Variants in CDK15 observed in about 807,000 individuals in gnomAD.
CDK15 encodes the protein cyclin dependent kinase 15, also known as cyclin-dependent kinase 15.
Under a neutral mutation model 60.3 loss-of-function variants are expected in CDK15, and 62 were observed. The ratio of observed to expected loss-of-function variants is 1.03; its 90% CI spans 0.84 to 1.27. The LOEUF (loss-of-function observed/expected upper bound fraction) is 1.27. Ranked by LOEUF, CDK15 falls within the 50% of genes most tolerant of loss-of-function variation. The probability of loss-of-function intolerance (pLI) is 0.00; values close to 1 mark genes in which losing one functional copy is unlikely to be tolerated. For missense variants in CDK15, 541 were observed against 527.8 expected, an observed-to-expected ratio of 1.03 and a Z score of -0.25; for synonymous variants, 194 against 195.7, an observed-to-expected ratio of 0.99 and a Z score of 0.07.
At chr2:201,845,515 G>A (rs1697610573) in intron 8 of CDK15, among the ~76,000 whole-genome samples, 1 of 151,008 alleles carries the variant, frequency 6.6e-6, no homozygotes, top group Admixed American at 6.6e-5. Context: ...ATTTTGGGAG[G>A]CCTAGGCAGG....
chr2:201,820,936 C>T (rs747540150), intron 4 of CDK15, among the ~76,000 whole-genome samples: 9 of 152,128 alleles, frequency 5.9e-5, no homozygotes, highest in Non-Finnish European at 1.0e-4. Flanking sequence ...GGAGCTCCTT[C>T]GGCGTAAGTC....
intron 13 of CDK15, among the ~76,000 whole-genome samples, chr2:201,891,674 A>G (rs1699643077): frequency 3.3e-5 from 5 of 152,288 alleles, no homozygotes; most frequent in African/African-American, 1.2e-4. Flanking sequence ...GACAACTCCA[A>G]AAGTCACCGT....
chr2:201,843,442 A>G (rs1295890932), intron 8 of CDK15, among the ~76,000 whole-genome samples: 2 of 152,268 alleles, frequency 1.3e-5, no homozygotes, highest in Middle Eastern at 6.8e-3. Context: ...TCGGCCTCCC[A>G]AAGTGCTAGG....
chr2:201,844,550 T>A (rs1176269981), intron 8 of CDK15, among the ~76,000 whole-genome samples: 1 of 152,258 alleles, frequency 6.6e-6, no homozygotes, highest in East Asian at 1.9e-4. Flanking sequence ...ATAATAATAA[T>A]TCTACAAATT....
rs181510183 is a variant in CDK15 at position 201,828,498 on chromosome 2, T to C, written c.606+4771T>C. Among the ~76,000 whole-genome samples the C allele has an allele frequency of 4.6e-4, 70 of 151,646 alleles. No homozygotes were observed. In the East Asian group the frequency reaches 0.013, roughly 28 times the overall value. On this transcript the variant is annotated intron_variant, in intron 6 of 13. Transcript: ENST00000652192. ...GGAAGAAGAATTTCAAGAAGGAGGG[T>C]ATGGTGGACAGTATTACAAGCATCA...
chr2:201,887,360 G>T (rs1333842305), intron 12 of CDK15, among the ~76,000 whole-genome samples: 1 of 152,176 alleles, frequency 6.6e-6, no homozygotes, highest in Non-Finnish European at 1.5e-5. Context: ...GTTTAGGGGG[G>T]TTGTAGGTCA....
At chr2:201,816,469 T>TTTG (rs1696001223) in intron 4 of CDK15, among the ~76,000 whole-genome samples, 1 of 148,602 alleles carries the variant, frequency 6.7e-6, no homozygotes, top group Non-Finnish European at 1.5e-5. Context: ...TTTTTTTTTT[T>TTTG]TTTTTTTTTT....
At position 201,822,818 on chromosome 2, in the gene CDK15, T is replaced by C. The variant is rs1311561065; in HGVS notation, c.458T>C (p.Leu153Pro). 1 of 1,604,512 alleles carries C rather than the reference T, an allele frequency of 6.2e-7. No homozygotes were observed. Among genetic ancestry groups the C allele is most frequent in the African/African-American group, 1.3e-5 (1 of 74,860 alleles). Residue 153 changes from leucine to proline, a missense_variant, in exon 5 of 14, where the codon CTG (leucine) becomes CCG (proline). By Grantham distance (98) the Leu-to-Pro change is moderately conservative (BLOSUM62 -3). Coordinates refer to ENST00000652192, the MANE Select transcript of CDK15 (RefSeq NM_001366386.2). ...TGTTTAATTTTTCTAGCTTCTCTCC[T>C]GAAGGGTTTGAAACATGCCAATATT... ...PFTAIREASL[L>P]KGLKHANIVL...
At chr2:201,826,673 C>T (rs1280812301) in intron 6 of CDK15, among the ~76,000 whole-genome samples, 7 of 151,662 alleles carry the variant, frequency 4.6e-5, no homozygotes, top group African/African-American at 9.7e-5. Context: ...TCCATTAGTG[C>T]GTTATGAAAT....
chr2:201,830,455 T>C (rs918667905), intron 6 of CDK15, among the ~76,000 whole-genome samples: 2 of 152,136 alleles, frequency 1.3e-5, no homozygotes, highest in Non-Finnish European at 2.9e-5. Context: ...TAAAAAAACA[T>C]TGTGAATGAC....
chr2:201,833,933 T>C lies in CDK15; in HGVS notation c.692T>C (p.Leu231Pro), dbSNP rs1696889450. Reference sequence around the variant, plus strand: ...AGGGACCTGAAACCTCAGAACTTACTCATCAGTCACCTGGGAGAGCTCAAA... The same window carrying C: ...AGGGACCTGAAACCTCAGAACTTACCCATCAGTCACCTGGGAGAGCTCAAA... ...LHRDLKPQNL[L>P]ISHLGELKLA... Residue 231 changes from leucine to proline, a missense_variant, in exon 7 of 14, where the codon CTC (leucine) becomes CCC (proline). Physicochemically the swap from Leu to Pro is moderately conservative, Grantham distance 98. Transcript: ENST00000652192. 3 of 1,613,958 alleles carry C rather than the reference T, an allele frequency of 1.9e-6. No individual in the cohort carries two copies. Among genetic ancestry groups the C allele is most frequent in the South Asian group, 2.2e-5 (2 of 91,056 alleles).
chr2:201,839,965 G>GTT (rs1178167563), intron 8 of CDK15, among the ~76,000 whole-genome samples: 1 of 144,034 alleles, frequency 6.9e-6, no homozygotes. Flanking sequence ...TGCTGCTGGG[G>GTT]TTTTTTTTTT....
intron 8 of CDK15, among the ~76,000 whole-genome samples, chr2:201,837,372 G>A (rs1697149653): frequency 8.3e-6 from 1 of 120,276 alleles, no homozygotes; most frequent in South Asian, 3.4e-4. Context: ...AGGGAGAGGG[G>A]GAGAGAGGGG....
At chr2:201,841,391 G>A (rs1697373799) in intron 8 of CDK15, among the ~76,000 whole-genome samples, 1 of 152,156 alleles carries the variant, frequency 6.6e-6, no homozygotes, top group Admixed American at 6.5e-5. Flanking sequence ...AAAATGTAAT[G>A]TAGAAATAGA....
intron 12 of CDK15, among the ~76,000 whole-genome samples, chr2:201,885,490 G>A (rs561177842): frequency 6.6e-6 from 1 of 152,154 alleles, no homozygotes; most frequent in Non-Finnish European, 1.5e-5. Flanking sequence ...AGCGAATTTG[G>A]AGATGTCCTC....
chr2:201,837,367 GA>G (rs1266077326), intron 8 of CDK15, among the ~76,000 whole-genome samples: 2 of 126,116 alleles, frequency 1.6e-5, no homozygotes, highest in Admixed American at 8.0e-5. Flanking sequence ...GAGAAAGGGA[GA>G]GGGGGAGAGA....
At chr2:201,841,159 T>C (rs1201475547) in intron 8 of CDK15, among the ~76,000 whole-genome samples, 1 of 152,196 alleles carries the variant, frequency 6.6e-6, no homozygotes, top group Non-Finnish European at 1.5e-5. Flanking sequence ...AATTGCAGTT[T>C]TTGCCATTAA....
chr2:201,833,213 G>GT (rs991688466), intron 6 of CDK15, among the ~76,000 whole-genome samples: 10 of 145,794 alleles, frequency 6.9e-5, no homozygotes, highest in East Asian at 2.1e-4. Flanking sequence ...TTTTTTTGAG[G>GT]GGGGGGGTCT....
chr2:201,873,494 C>G (rs1020497621), intron 11 of CDK15, among the ~76,000 whole-genome samples: 1 of 152,204 alleles, frequency 6.6e-6, no homozygotes, highest in Non-Finnish European at 1.5e-5. Flanking sequence ...AATGGCAACT[C>G]TCAACCTGAG....
Sources: gnomAD v4.1 joint callset for allele counts (sites outside exome capture counted in the v4.1 genomes callset) on GRCh38, gnomAD v4.1.1 for gene constraint, MANE v1.5 for transcripts, NCBI Gene and HGNC (gene_info 2026-07-23, HGNC 2026-07-21) for gene names.